The following PAIP2B variants were observed in gnomAD, a reference collection of about 807,000 sequenced individuals.
PAIP2B encodes poly(A) binding protein interacting protein 2B.
A neutral mutation model predicts 17.0 loss-of-function variants in PAIP2B; 13 were observed. The observed-to-expected ratio is 0.76, with a 90% confidence interval of 0.50 to 1.22. The LOEUF (loss-of-function observed/expected upper bound fraction) is 1.22. Ranked by LOEUF, PAIP2B falls within the 50% of genes most tolerant of loss-of-function variation. The pLI is 0.00. For missense variants in PAIP2B, 117 were observed against 144.5 expected (o/e 0.81, Z 0.98); for synonymous variants, 43 against 48.7 (o/e 0.88, Z 0.48).
Position 71,189,953 on chromosome 2 carries a change from G to A in PAIP2B, c.207C>T (p.Asp69=). The A allele has an allele frequency of 6.2e-7, 1 of 1,610,886 alleles. No homozygotes were observed. Among genetic ancestry groups the A allele is most frequent in the Non-Finnish European group, 8.5e-7 (1 of 1,178,764 alleles). Residue 69 remains aspartate (D), a synonymous_variant, in exon 3 of 4, where the codon GAC becomes GAT. Transcript: ENST00000244221. Reference sequence around the variant, plus strand: ...CTCGTGAGGGAATAAACCAGTCTTGGTCTTCTTCATCCAGCATCTCTTGGA... The same window carrying A: ...CTCGTGAGGGAATAAACCAGTCTTGATCTTCTTCATCCAGCATCTCTTGGA... ...RCFQEMLDEE[D]QDWFIPSRDL...
chr2:71,185,790 G>A lies in PAIP2B; in HGVS notation c.*2689C>T, dbSNP rs1181113823. 2 of 151,432 alleles carry A rather than the reference G, an allele frequency of 1.3e-5. No individual in the cohort carries two copies. The highest frequency in any genetic ancestry group is 4.9e-5 in the African/African-American group (2 of 41,102). 9.4% of individuals were successfully genotyped at this position (151,432 alleles called of 1,614,324 possible). ...TTGAATTTTCTGCTGCAGTTCAAAG[G>A]CCTGGAGAAACTGAAAATGCATTCA... On this transcript the variant is annotated 3_prime_UTR_variant, in exon 4 of 4. Coordinates refer to ENST00000244221, the MANE Select transcript of PAIP2B (RefSeq NM_020459.1).
chr2:71,206,987 C>T (rs1272120915), intron 1 of PAIP2B, among the ~76,000 whole-genome samples: 1 of 152,184 alleles, frequency 6.6e-6, no homozygotes, highest in East Asian at 1.9e-4. Context: ...ATCTTAACAA[C>T]TAAGATCATT....
chr2:71,208,971 T>C (rs1180044895), intron 1 of PAIP2B, among the ~76,000 whole-genome samples: 1 of 151,574 alleles, frequency 6.6e-6, no homozygotes, highest in East Asian at 1.9e-4. Context: ...CAATAAATGT[T>C]GTTTTAAGAT....
chr2:71,214,861 AAC>A (rs1675388559), intron 1 of PAIP2B, among the ~76,000 whole-genome samples: 1 of 152,188 alleles, frequency 6.6e-6, no homozygotes, highest in African/African-American at 2.4e-5. Context: ...TAATTTAAAA[AAC>A]AGTTTCCAAG....
intron 2 of PAIP2B, among the ~76,000 whole-genome samples, chr2:71,201,816 T>C (rs917125262): frequency 3.0e-4 from 46 of 152,358 alleles, no homozygotes; most frequent in African/African-American, 1.1e-3. Context: ...AGTGCTCCAC[T>C]GTTCAAGCAA....
chr2:71,202,854 G>A (rs1175754872), intron 1 of PAIP2B, among the ~76,000 whole-genome samples: 1 of 152,052 alleles, frequency 6.6e-6, no homozygotes. Flanking sequence ...GTCTTTCTAG[G>A]CAGGTGGGAC....
intron 1 of PAIP2B, among the ~76,000 whole-genome samples, chr2:71,215,847 C>CTGTGTATCTATGTGTG (rs1182158357): frequency 6.6e-6 from 1 of 152,150 alleles, no homozygotes. Flanking sequence ...CTTTATATAT[C>CTGTGTATCTATGTGTG]TGTGTATCTA....
At chr2:71,196,518 G>C (rs357768) in intron 2 of PAIP2B, among the ~76,000 whole-genome samples, 43,453 of 151,978 alleles carry the variant, frequency 0.29, 6,498 homozygotes, top group South Asian at 0.49. Flanking sequence ...TAAAGGTCTA[G>C]CAGACCCATT....
intron 2 of PAIP2B, among the ~76,000 whole-genome samples, chr2:71,193,422 A>C (rs1674737215): frequency 6.6e-6 from 1 of 152,180 alleles, no homozygotes; most frequent in African/African-American, 2.4e-5. Flanking sequence ...TTTGCTGTAC[A>C]GAAGTTCTTA....
intron 1 of PAIP2B, among the ~76,000 whole-genome samples, chr2:71,223,710 T>C (rs1354646727): frequency 2.0e-5 from 3 of 152,174 alleles, no homozygotes; most frequent in Non-Finnish European, 4.4e-5. Flanking sequence ...GTGCTGGGAT[T>C]ACAGGCATGA....
At chr2:71,214,634 C>G (rs1314951061) in intron 1 of PAIP2B, among the ~76,000 whole-genome samples, 1 of 152,168 alleles carries the variant, frequency 6.6e-6, no homozygotes. Flanking sequence ...TTGGCCTGAA[C>G]TGATATGAAG....
chr2:71,200,723 G>A (rs1305116952), intron 2 of PAIP2B, among the ~76,000 whole-genome samples: 2 of 152,078 alleles, frequency 1.3e-5, no homozygotes, highest in African/African-American at 2.4e-5. Context: ...CTGCACTCCC[G>A]CCTGGGTTAC....
intron 2 of PAIP2B, among the ~76,000 whole-genome samples, chr2:71,191,986 T>C (rs1674698592): frequency 6.6e-6 from 1 of 152,176 alleles, no homozygotes; most frequent in Non-Finnish European, 1.5e-5. Context: ...CGAGTTCCCA[T>C]TTGAGGCATG....
At chr2:71,192,812 C>A (rs554461258) in intron 2 of PAIP2B, among the ~76,000 whole-genome samples, 2 of 152,260 alleles carry the variant, frequency 1.3e-5, no homozygotes, top group African/African-American at 2.4e-5. Context: ...TGTATATGTA[C>A]CACATTTTCT....
chr2:71,199,605 C>T (rs555414139), intron 2 of PAIP2B, among the ~76,000 whole-genome samples: 2 of 150,288 alleles, frequency 1.3e-5, no homozygotes, highest in East Asian at 2.0e-4. Flanking sequence ...CTTACTCTGT[C>T]GCCCAGGCTG....
In PAIP2B at chr2:71,183,474, GC is replaced by G. The variant is rs1674452514; in HGVS notation, c.*5004del. On this transcript the variant is annotated 3_prime_UTR_variant, in exon 4 of 4. Coordinates refer to ENST00000244221, the MANE Select transcript of PAIP2B (RefSeq NM_020459.1). ...ATTAGTAGTTTTTTTGACATGCACA[GC>G]AGCTTCCCCTATAAGTCCTACGTTC... The G allele has an allele frequency of 7.8e-6, 1 of 127,912 alleles. No individual in the cohort carries two copies. Among genetic ancestry groups the G allele is most frequent in the South Asian group, 2.9e-4 (1 of 3,420 alleles). 7.9% of individuals were successfully genotyped at this position (127,912 alleles called of 1,614,324 possible).
chr2:71,220,778 T>C (rs900590698), intron 1 of PAIP2B, among the ~76,000 whole-genome samples: 3 of 152,218 alleles, frequency 2.0e-5, no homozygotes, highest in African/African-American at 7.2e-5. Flanking sequence ...TGAGCCATCA[T>C]CACACCCGGC....
chr2:71,202,823 A>G (rs1429163854), intron 1 of PAIP2B, among the ~76,000 whole-genome samples: 1 of 152,150 alleles, frequency 6.6e-6, no homozygotes, highest in African/African-American at 2.4e-5. Context: ...AAAGATGTCT[A>G]TTAACACTTA....
At position 71,185,530 on chromosome 2, in the gene PAIP2B, T is replaced by C. The variant is rs932344117; in HGVS notation, c.*2949A>G. The C allele has an allele frequency of 6.8e-6, 1 of 147,120 alleles. No individual in the cohort carries two copies. The highest frequency in any genetic ancestry group is 1.5e-5 in the Non-Finnish European group (1 of 67,494). 9.1% of individuals were successfully genotyped at this position (147,120 alleles called of 1,614,324 possible). On this transcript the variant is annotated 3_prime_UTR_variant, in exon 4 of 4. Transcript: ENST00000244221. ...CTGCAGTGAGCTATGGTCATACCAC[T>C]GCACTCCAGCCTGGGTGACAGAGTG...
Sources: allele counts gnomAD v4.1 joint callset (sites outside exome capture counted in the v4.1 genomes callset), GRCh38; gene constraint gnomAD v4.1.1; transcripts MANE v1.5; gene names NCBI Gene and HGNC (gene_info 2026-07-23, HGNC 2026-07-21).